Variants in TMPRSS11E observed in about 807,000 individuals in gnomAD.
TMPRSS11E encodes the protein transmembrane protease serine 11E.
Under a neutral mutation model 48.1 loss-of-function variants are expected in TMPRSS11E, and 38 were observed. The observed-to-expected ratio is 0.79, with a 90% CI of 0.61 to 1.04. The LOEUF is 1.04. Among genes scored for constraint, TMPRSS11E ranks in the 50% least tolerant of loss-of-function variants. The pLI is 0.00. For missense variants in TMPRSS11E, 530 were observed against 510.8 expected (o/e 1.04, Z -0.36); for synonymous variants, 158 against 171.9 (o/e 0.92, Z 0.63).
chr4:68,468,808 AG>A, intron 3 of TMPRSS11E, 70 bp from the exon 4 acceptor site: 2 of 1,142,118 alleles, frequency 1.8e-6, no homozygotes, highest in Admixed American at 3.6e-5. Flanking sequence ...TTTTCTAAAA[AG>A]CTTTGAATTA....
intron 5 of TMPRSS11E, among the ~76,000 whole-genome samples, chr4:68,473,141 G>A (rs1224636931): frequency 6.6e-6 from 1 of 151,988 alleles, no homozygotes; most frequent in Non-Finnish European, 1.5e-5. Context: ...TCAGCTTATT[G>A]AGGGGTGAGG....
intron 9 of TMPRSS11E, among the ~76,000 whole-genome samples, chr4:68,490,197 T>C (rs1410813893): frequency 6.6e-6 from 1 of 152,160 alleles, no homozygotes; most frequent in Non-Finnish European, 1.5e-5. Flanking sequence ...GGGGTCTGCA[T>C]TCTCCTTCCA....
chr4:68,459,753 T>G (rs1028276313), intron 1 of TMPRSS11E, among the ~76,000 whole-genome samples: 1 of 152,366 alleles, frequency 6.6e-6, no homozygotes. Flanking sequence ...TCATGTTTTC[T>G]ACAAGCACAC....
chr4:68,488,775 G>A (rs1430754502), intron 9 of TMPRSS11E, among the ~76,000 whole-genome samples: 2 of 152,144 alleles, frequency 1.3e-5, no homozygotes, highest in Non-Finnish European at 2.9e-5. Context: ...TCCTGACCTC[G>A]TGATCTACCC....
At chr4:68,472,296 A>G (rs570535618) in intron 5 of TMPRSS11E, among the ~76,000 whole-genome samples, 1 of 152,160 alleles carries the variant, frequency 6.6e-6, no homozygotes, top group East Asian at 1.9e-4. Flanking sequence ...GCACAAGTAT[A>G]ATGTTACATT....
intron 3 of TMPRSS11E, among the ~76,000 whole-genome samples, chr4:68,468,556 T>C (rs1297874455): frequency 6.6e-6 from 1 of 152,228 alleles, no homozygotes; most frequent in Middle Eastern, 3.4e-3. Flanking sequence ...TAAAAGTCCT[T>C]ACTTCAGAGT....
At chr4:68,496,244 G>GT (rs1729861145) in intron 9 of TMPRSS11E, among the ~76,000 whole-genome samples, 1 of 151,702 alleles carries the variant, frequency 6.6e-6, no homozygotes, top group Admixed American at 6.6e-5. Flanking sequence ...TTGTTTGTTT[G>GT]TTTTTTTAAA....
chr4:68,460,489 C>G (rs1001711657), intron 1 of TMPRSS11E, among the ~76,000 whole-genome samples: 1 of 152,048 alleles, frequency 6.6e-6, no homozygotes, highest in Non-Finnish European at 1.5e-5. Context: ...ATTTTTCCGT[C>G]GCTGATCTGT....
At chr4:68,472,516 G>A (rs1020381573) in intron 5 of TMPRSS11E, among the ~76,000 whole-genome samples, 2 of 152,070 alleles carry the variant, frequency 1.3e-5, no homozygotes, top group East Asian at 3.9e-4. Context: ...ATTTAGACTA[G>A]CCACACTGCA....
At chr4:68,466,479 A>C in intron 2 of TMPRSS11E, 152 bp from the exon 3 acceptor site, 1 of 733,038 alleles carries the variant, frequency 1.4e-6, no homozygotes, top group South Asian at 2.0e-5. Flanking sequence ...TCCTGAGATA[A>C]CTATGAGGCC....
intron 1 of TMPRSS11E, among the ~76,000 whole-genome samples, chr4:68,448,956 A>G (rs536683077): frequency 1.3e-5 from 2 of 151,886 alleles, no homozygotes; most frequent in Non-Finnish European, 3.0e-5. Context: ...AAGAGGGATA[A>G]TTGAAATCCT....
chr4:68,489,335 C>T (rs1302436457), intron 9 of TMPRSS11E, among the ~76,000 whole-genome samples: 2 of 152,096 alleles, frequency 1.3e-5, no homozygotes, highest in Non-Finnish European at 2.9e-5. Flanking sequence ...TAAGTACCTC[C>T]TGGGTTGGAA....
intron 9 of TMPRSS11E, among the ~76,000 whole-genome samples, chr4:68,479,526 G>A (rs1187491075): frequency 1.3e-5 from 2 of 149,248 alleles, no homozygotes; most frequent in African/African-American, 4.9e-5. Context: ...TAACATCACT[G>A]TCTATGTGTA....
intron 8 of TMPRSS11E, among the ~76,000 whole-genome samples, chr4:68,477,942 C>A (rs1201588144): frequency 6.6e-6 from 1 of 152,084 alleles, no homozygotes; most frequent in Non-Finnish European, 1.5e-5. Flanking sequence ...CAATAATATA[C>A]CCAATTCTGA....
At chr4:68,460,321 CAG>C (rs1271006653) in intron 1 of TMPRSS11E, among the ~76,000 whole-genome samples, 1 of 152,156 alleles carries the variant, frequency 6.6e-6, no homozygotes, top group Non-Finnish European at 1.5e-5. Flanking sequence ...CATCAGGAAA[CAG>C]AGCGTTCTTG....
chr4:68,477,412 A>G lies in TMPRSS11E; in HGVS notation c.751A>G (p.Ile251Val). The change falls in exon 8 of 10, where the codon ATA (isoleucine) becomes GTA (valine). Residue 251 changes from isoleucine (I) to valine (V), a missense_variant. Ile to Val is a conservative substitution (Grantham distance 29). Transcript: ENST00000305363. ...ATGGACTGCTTCCTTTGGAGTAACA[A>G]TAAAACCTTCGAAAATGAAACGGGG... ...ARWTASFGVTIKPSKMKRGLR... is the reference protein window; with the variant it reads ...ARWTASFGVTVKPSKMKRGLR... 6.2e-7 allele frequency: 1 copy of G among 1,614,122 alleles called. No individual in the cohort carries two copies.
intron 1 of TMPRSS11E, 145 bp from the exon 2 acceptor site, chr4:68,461,676 G>A: frequency 7.8e-7 from 1 of 1,278,688 alleles, no homozygotes; most frequent in Non-Finnish European, 1.1e-6. Context: ...GGCCTCAGCA[G>A]CCTGGAACCA....
At chr4:68,463,716 G>T (rs941357010) in intron 2 of TMPRSS11E, among the ~76,000 whole-genome samples, 14 of 152,204 alleles carry the variant, frequency 9.2e-5, no homozygotes, top group African/African-American at 3.4e-4. Flanking sequence ...CCCCATGGAT[G>T]TCTAGGACTG....
At chr4:68,454,123 C>A (rs919710785) in intron 1 of TMPRSS11E, among the ~76,000 whole-genome samples, 10 of 151,766 alleles carry the variant, frequency 6.6e-5, no homozygotes, top group African/African-American at 9.7e-5. Flanking sequence ...TTGGGATAGG[C>A]GTCTAGGAGT....
Sources: allele counts gnomAD v4.1 joint callset (sites outside exome capture counted in the v4.1 genomes callset), GRCh38; gene constraint gnomAD v4.1.1; transcripts MANE v1.5; gene names NCBI Gene and HGNC (gene_info 2026-07-23, HGNC 2026-07-21).